The following PKHD1L1 variants were observed in gnomAD, a reference collection of about 807,000 sequenced individuals.
PKHD1L1 encodes PKHD1 like 1.
A neutral mutation model predicts 462.9 loss-of-function variants in PKHD1L1; 434 were observed. The observed-to-expected ratio is 0.94, with a 90% CI of 0.87 to 1.02. The LOEUF (loss-of-function observed/expected upper bound fraction) is 1.02. PKHD1L1 is among the 50% of genes least tolerant of loss of function. The probability of loss-of-function intolerance (pLI) is 0.00; values close to 1 mark genes in which losing one functional copy is unlikely to be tolerated. For synonymous variants in PKHD1L1, 1,781 were observed against 1,750.0 expected (o/e 1.02, Z -0.44); for missense variants, 5,202 against 5,096.1 (o/e 1.02, Z -0.63).
At position 109,467,184 on chromosome 8, in the gene PKHD1L1, T is replaced by C. The variant is rs550278931; in HGVS notation, c.8605+415T>C. 2.0e-5 allele frequency among the ~76,000 whole-genome samples: 3 copies of C among 152,248 alleles called. No individual in the cohort carries two copies. In the East Asian group the frequency reaches 5.8e-4, roughly 29 times the overall value. On this transcript the variant is annotated intron_variant, in intron 50 of 77. Coordinates refer to ENST00000378402, the MANE Select transcript of PKHD1L1 (RefSeq NM_177531.6). ...TTGTGGATTTACTGATTTGTTCCGG[T>C]AAAGGTACAATACCTGGAACACCAG...
intron 32 of PKHD1L1, among the ~76,000 whole-genome samples, chr8:109,440,057 G>C (rs1793361664): frequency 6.6e-6 from 1 of 152,092 alleles, no homozygotes; most frequent in South Asian, 2.1e-4. Context: ...AGGTTATGCT[G>C]TGGAAGTTAA....
chr8:109,472,270 A>T (rs1817761280), intron 50 of PKHD1L1, among the ~76,000 whole-genome samples: 1 of 152,182 alleles, frequency 6.6e-6, no homozygotes, highest in Non-Finnish European at 1.5e-5. Flanking sequence ...AATAAAGTAT[A>T]TATTCCTTTA....
chr8:109,468,506 C>T (rs555426268), intron 50 of PKHD1L1, among the ~76,000 whole-genome samples: 2 of 152,174 alleles, frequency 1.3e-5, no homozygotes, highest in Non-Finnish European at 2.9e-5. Context: ...AAGTACTCAG[C>T]AAGTGTTGAA....
At position 109,481,496 on chromosome 8, in the gene PKHD1L1, A is replaced by ATC; in HGVS notation, c.9391_9392insTC (p.Arg3131IlefsTer23). ...TAAAGGAGACTTAAAGATTGTTCTTAGAGGAAATCATACTACACAAGACTG... is the reference window on the plus strand; with the variant it reads ...TAAAGGAGACTTAAAGATTGTTCTTATCGAGGAAATCATACTACACAAGACTG... On this transcript the variant is annotated frameshift_variant, in exon 56 of 78. Coordinates refer to ENST00000378402, the MANE Select transcript of PKHD1L1 (RefSeq NM_177531.6). LOFTEE classifies it high-confidence loss of function. 6.3e-7 allele frequency: 1 copy of ATC among 1,597,214 alleles called. No homozygotes were observed. The highest frequency in any genetic ancestry group is 8.5e-7 in the Non-Finnish European group (1 of 1,170,846).
intron 69 of PKHD1L1, 28 bp from the exon 70 acceptor site, chr8:109,508,069 G>A: frequency 1.3e-6 from 2 of 1,559,476 alleles, no homozygotes; most frequent in Non-Finnish European, 1.7e-6. Context: ...CTGTATTATT[G>A]CTAAAATATA....
At chr8:109,522,699 G>C (rs1820610454) in intron 74 of PKHD1L1, 45 bp from the exon 75 acceptor site, 1 of 1,543,362 alleles carries the variant, frequency 6.5e-7, no homozygotes, top group African/African-American at 1.4e-5. Context: ...GCTGCTGAGT[G>C]TAGTTTATCA....
intron 71 of PKHD1L1, among the ~76,000 whole-genome samples, chr8:109,514,179 C>T (rs1820145423): frequency 6.6e-6 from 1 of 152,116 alleles, no homozygotes; most frequent in Non-Finnish European, 1.5e-5. Flanking sequence ...GATGTTGCCT[C>T]AGTCTAAAAC....
chr8:109,481,256 T>C (rs1328334050), intron 55 of PKHD1L1, among the ~76,000 whole-genome samples, 177 bp from the exon 56 acceptor site: 1 of 151,898 alleles, frequency 6.6e-6, no homozygotes, highest in Non-Finnish European at 1.5e-5. Context: ...GAAAAATCAT[T>C]TAAACTGCTT....
At position 109,394,483 on chromosome 8, in the gene PKHD1L1, C is replaced by A; in HGVS notation, c.809C>A (p.Ala270Glu). 6.7e-7 allele frequency: 1 copy of A among 1,503,458 alleles called. No individual in the cohort carries two copies. 93.1% of individuals were successfully genotyped at this position (1,503,458 alleles called of 1,614,324 possible). A position where few individuals can be genotyped will look rare whatever the true frequency, so the allele number is the denominator to read the frequency against. The change falls in exon 10 of 78, where the codon GCA becomes GAA. Residue 270 changes from alanine (A) to glutamate (E), a missense_variant and splice_region_variant. Coordinates refer to ENST00000378402, the MANE Select transcript of PKHD1L1 (RefSeq NM_177531.6). ...LNKIAMFQTY[A>E]EVTMIFPSQG... The stretch of plus-strand genomic sequence containing the variant: ...AAAATTGCAATGTTTCAAACATATG[C>A]AGGTATGTGACTTTTCTTTCACTCT...
intron 18 of PKHD1L1, among the ~76,000 whole-genome samples, chr8:109,408,489 C>A (rs1172687548): frequency 6.6e-6 from 1 of 152,154 alleles, no homozygotes; most frequent in African/African-American, 2.4e-5. Flanking sequence ...TCCCTCTATG[C>A]ACACTGGAGT....
chr8:109,386,355 T>C (rs1812442873), intron 6 of PKHD1L1, among the ~76,000 whole-genome samples: 2 of 152,274 alleles, frequency 1.3e-5, no homozygotes, highest in South Asian at 4.1e-4. Flanking sequence ...TGATTATGGC[T>C]TTCAAGATAT....
chr8:109,406,259 T>G, intron 16 of PKHD1L1, 76 bp from the exon 17 acceptor site: 1 of 1,372,718 alleles, frequency 7.3e-7, no homozygotes, highest in East Asian at 2.5e-5. Context: ...ATACGAGACA[T>G]CAGTGTTGGC....
rs200174414 is a variant in PKHD1L1 at position 109,443,015 on chromosome 8, A to G, written c.4463A>G (p.His1488Arg). ...YYSSGYVDEAHSIFLQGVINV... is the reference protein window; with the variant it reads ...YYSSGYVDEARSIFLQGVINV... ...AGCAGCGGGTATGTTGATGAGGCTC[A>G]CTCCATTTTTCTCCAAGGAGTCATT... is the stretch of plus-strand genomic sequence containing the variant. Residue 1488 changes from histidine (H) to arginine (R), a missense_variant, in exon 36 of 78, where the codon CAC becomes CGC. Coordinates refer to ENST00000378402, the MANE Select transcript of PKHD1L1 (RefSeq NM_177531.6). The G allele has an allele frequency of 1.9e-6, 3 of 1,613,578 alleles. No homozygotes were observed. In the Admixed American group the frequency reaches 5.0e-5, roughly 27 times the overall value.
intron 77 of PKHD1L1, 91 bp downstream of exon 77, chr8:109,527,111 A>C: frequency 9.3e-7 from 1 of 1,078,106 alleles, no homozygotes; most frequent in South Asian, 1.6e-5. Context: ...CTTGTGCATG[A>C]TATCACTGTG....
rs373076991 is a variant in PKHD1L1, at chr8:109,366,691, A to ATTT, written c.163+2071_163+2073dup. ...GTTTATGACCATTCCTGTGGTTATG[A>ATTT]TTTTTTTTTTTTTTTTTTGAGACGG... On this transcript the variant is annotated intron_variant, in intron 2 of 77. Transcript: ENST00000378402. Among the ~76,000 whole-genome samples the ATTT allele has an allele frequency of 3.4e-3, 469 of 137,654 alleles. 7 individuals are homozygous for ATTT. Among genetic ancestry groups the ATTT allele is most frequent in the South Asian group, 8.9e-3 (38 of 4,286 alleles). 90.3% of individuals were successfully genotyped at this position (137,654 alleles called of 152,430 possible). A position where few individuals can be genotyped will look rare whatever the true frequency, so the allele number is the denominator to read the frequency against.
chr8:109,449,240 A>C, intron 39 of PKHD1L1, 98 bp from the exon 40 acceptor site: 1 of 1,206,290 alleles, frequency 8.3e-7, no homozygotes, highest in East Asian at 2.6e-5. Flanking sequence ...ATTTAATGTA[A>C]CTTACTTTTA....
rs1816354820 is a variant in PKHD1L1, at chr8:109,449,404, T to C, written c.6092T>C (p.Ile2031Thr). ...GTGFNPQNSI[I>T]LVCGSECAID... is the part of the protein sequence containing the mutation. ...GGATTTAATCCACAAAATTCAATTA[T>C]ATTAGTTTGTGGCTCAGAATGTGCA... Residue 2031 changes from isoleucine to threonine, a missense_variant, in exon 40 of 78, where the codon ATA becomes ACA. By Grantham distance (89) the Ile-to-Thr change is moderately conservative. Around this residue, in one of 3 missense-constraint regions of PKHD1L1, gnomAD observed 4,497 missense variants for 4,336.8 expected, o/e 1.04. Coordinates refer to ENST00000378402, the MANE Select transcript of PKHD1L1 (RefSeq NM_177531.6). 1.3e-6 allele frequency: 2 copies of C among 1,591,050 alleles called. No homozygotes were observed. The highest frequency in any genetic ancestry group is 1.7e-6 in the Non-Finnish European group (2 of 1,167,326).
Position 109,490,184 on chromosome 8 carries a change from C to A in PKHD1L1, c.9984+129C>A. On this transcript the variant is annotated intron_variant, in intron 60 of 77. Coordinates refer to ENST00000378402, the MANE Select transcript of PKHD1L1 (RefSeq NM_177531.6). ...ATCTAATATAATAAAACTTTCTTGG[C>A]CCATTAACTTTTTAGACCTATATAA... is the stretch of plus-strand genomic sequence containing the variant. The A allele has an allele frequency of 1.2e-5, 7 of 601,228 alleles. 1 individual carries two copies. In the South Asian group the frequency reaches 1.5e-4, roughly 13 times the overall value. 37.2% of individuals were successfully genotyped at this position (601,228 alleles called of 1,614,324 possible).
At chr8:109,487,748 T>G (rs907537054) in intron 59 of PKHD1L1, among the ~76,000 whole-genome samples, 42 of 151,778 alleles carry the variant, frequency 2.8e-4, no homozygotes, top group African/African-American at 9.7e-4. Context: ...ACAGGGTGTC[T>G]CAGGCCTGTA....
Sources: gnomAD v4.1 joint callset for allele counts (sites outside exome capture counted in the v4.1 genomes callset) on GRCh38, gnomAD v4.1.1 for gene constraint, gnomAD v4.1.1 regional missense constraint, MANE v1.5 for transcripts, NCBI Gene and HGNC (gene_info 2026-07-23, HGNC 2026-07-21) for gene names.